CNTN5: variants seen among roughly 807,000 people sequenced by gnomAD.
CNTN5 encodes the protein contactin 5, also known as contactin-5.
CNTN5 carries 77 observed loss-of-function variants against 129.1 expected under a neutral mutation model. The ratio of observed to expected loss-of-function variants is 0.60; its 90% CI spans 0.50 to 0.72. CNTN5 has a LOEUF of 0.72. CNTN5 is among the 30% of genes least tolerant of loss of function. The pLI, the probability that CNTN5 is intolerant of heterozygous loss-of-function variation, is 0.00. For missense variants in CNTN5, 1,478 were observed against 1,328.8 expected (o/e 1.11, Z -1.75); for synonymous variants, 509 against 465.6 (o/e 1.09, Z -1.20).
At chr11:99,990,461 C>T (rs376005421) in intron 8 of CNTN5, among the ~76,000 whole-genome samples, 36 of 141,676 alleles carry the variant, frequency 2.5e-4, no homozygotes, top group East Asian at 1.0e-3. Context: ...TATATACACA[C>T]ACACACACAC....
chr11:99,774,750 A>C (rs781066180), intron 3 of CNTN5, among the ~76,000 whole-genome samples: 1 of 151,992 alleles, frequency 6.6e-6, no homozygotes, highest in Non-Finnish European at 1.5e-5. Context: ...AGAATGTATG[A>C]ATGAGCAATG....
intron 3 of CNTN5, among the ~76,000 whole-genome samples, chr11:99,794,965 C>A (rs1451983987): frequency 6.6e-6 from 1 of 152,084 alleles, no homozygotes; most frequent in Non-Finnish European, 1.5e-5. Flanking sequence ...TGAATGTTAG[C>A]CTCTATTGCA....
At chr11:99,962,385 C>G (rs375751551) in intron 8 of CNTN5, among the ~76,000 whole-genome samples, 1 of 150,292 alleles carries the variant, frequency 6.7e-6, no homozygotes, top group South Asian at 2.1e-4. Context: ...TCAATTCCCA[C>G]CTATGAGTGA....
At chr11:99,801,414 A>G (rs977650068) in intron 3 of CNTN5, among the ~76,000 whole-genome samples, 23 of 151,840 alleles carry the variant, frequency 1.5e-4, no homozygotes, top group African/African-American at 5.6e-4. Flanking sequence ...TAGCTTGGAG[A>G]TGTTCATTTT....
At chr11:100,078,562 C>T (rs369606518) in intron 13 of CNTN5, among the ~76,000 whole-genome samples, 11 of 152,030 alleles carry the variant, frequency 7.2e-5, no homozygotes, top group Non-Finnish European at 1.6e-4. Context: ...AGCACTTTAA[C>T]GTTGTTGGTA....
At chr11:99,033,804 T>C (rs1202540093) in intron 1 of CNTN5, among the ~76,000 whole-genome samples, 1 of 152,120 alleles carries the variant, frequency 6.6e-6, no homozygotes, top group Non-Finnish European at 1.5e-5. Context: ...TCCAACACTA[T>C]GGTGAATAGG....
chr11:100,238,442 AAGG>A (rs1211340923), intron 16 of CNTN5, among the ~76,000 whole-genome samples: 1 of 147,796 alleles, frequency 6.8e-6, no homozygotes, highest in East Asian at 2.0e-4. Flanking sequence ...GAGAAAGAAG[AAGG>A]AGAAGGCGAA....
At chr11:99,930,777 AAAT>A (rs1950172654) in intron 7 of CNTN5, among the ~76,000 whole-genome samples, 3 of 109,898 alleles carry the variant, frequency 2.7e-5, no homozygotes, top group Admixed American at 2.4e-4. Flanking sequence ...CAGTAGATAA[AAAT>A]AAACACATAC....
At chr11:99,778,513 G>T (rs1182160899) in intron 3 of CNTN5, among the ~76,000 whole-genome samples, 1 of 151,532 alleles carries the variant, frequency 6.6e-6, no homozygotes, top group African/African-American at 2.4e-5. Context: ...GTGGGGAATT[G>T]GTTCTTATTC....
At chr11:99,919,453 A>G (rs902267171) in intron 7 of CNTN5, among the ~76,000 whole-genome samples, 1 of 152,172 alleles carries the variant, frequency 6.6e-6, no homozygotes, top group Non-Finnish European at 1.5e-5. Context: ...CAGCTACTAC[A>G]TGATTTTTGG....
chr11:99,643,728 C>T (rs1296503229), intron 3 of CNTN5, among the ~76,000 whole-genome samples: 1 of 151,988 alleles, frequency 6.6e-6, no homozygotes, highest in Non-Finnish European at 1.5e-5. Flanking sequence ...GCCACACAAA[C>T]CCTACATAGA....
At chr11:99,215,762 C>T (rs1045244275) in intron 1 of CNTN5, among the ~76,000 whole-genome samples, 1 of 152,172 alleles carries the variant, frequency 6.6e-6, no homozygotes, top group Non-Finnish European at 1.5e-5. Context: ...CTACTACTCT[C>T]TCAGACTGGT....
intron 9 of CNTN5, among the ~76,000 whole-genome samples, chr11:100,002,942 C>A (rs1323292843): frequency 6.6e-6 from 1 of 151,772 alleles, no homozygotes; most frequent in Non-Finnish European, 1.5e-5. Context: ...TACTTAACTT[C>A]AGTTGCAGAG....
chr11:99,993,058 T>A (rs984729502), intron 8 of CNTN5, among the ~76,000 whole-genome samples: 2 of 152,230 alleles, frequency 1.3e-5, no homozygotes, highest in Admixed American at 6.5e-5. Flanking sequence ...GTGTGTCTTA[T>A]GGGACTGTCT....
rs201511284 is a variant in CNTN5, at chr11:100,341,163, C to A, written c.2988C>A (p.Pro996=). The change falls in exon 23 of 25, where the codon CCC becomes CCA. Residue 996 remains proline (P), a synonymous_variant. Transcript: ENST00000524871. ...QGSQVSLGWE[P]VIPLANESEV... is the part of the protein sequence containing the mutation. ...CTCAGGTTTCTCTGGGCTGGGAACC[C>A]GTCATACCATTAGCCAACGAATCTG... 5 of 1,613,724 alleles carry A rather than the reference C, an allele frequency of 3.1e-6. No homozygotes were observed. Among genetic ancestry groups the A allele is most frequent in the Non-Finnish European group, 4.2e-6 (5 of 1,179,778 alleles).
intron 6 of CNTN5, among the ~76,000 whole-genome samples, chr11:99,907,510 T>G (rs1591398855): frequency 6.6e-6 from 1 of 152,054 alleles, no homozygotes; most frequent in Admixed American, 6.6e-5. Context: ...AATCTTAGAA[T>G]AATCCCCTTT....
chr11:99,827,707 G>C (rs145413294), intron 4 of CNTN5, among the ~76,000 whole-genome samples: 145 of 152,202 alleles, frequency 9.5e-4, no homozygotes, highest in African/African-American at 3.4e-3. Context: ...AATATTTTTA[G>C]AGGCTTATTA....
chr11:99,358,427 G>C (rs557747280), intron 2 of CNTN5, among the ~76,000 whole-genome samples: 19 of 151,102 alleles, frequency 1.3e-4, no homozygotes, highest in African/African-American at 4.6e-4. Context: ...CAGGCGTGGT[G>C]ATGTGCACCT....
intron 9 of CNTN5, among the ~76,000 whole-genome samples, chr11:100,046,539 T>C (rs781505410): frequency 9.2e-5 from 14 of 152,196 alleles, no homozygotes; most frequent in African/African-American, 1.2e-4. Flanking sequence ...ATTTGCTTTT[T>C]TTCTTCAATC....
Sources: allele counts gnomAD v4.1 joint callset (sites outside exome capture counted in the v4.1 genomes callset), GRCh38; gene constraint gnomAD v4.1.1; transcripts MANE v1.5; gene names NCBI Gene and HGNC (gene_info 2026-07-23, HGNC 2026-07-21).